SYTL5: variants seen among roughly 807,000 people sequenced by gnomAD.
The protein encoded by SYTL5 is synaptotagmin-like protein 5.
A neutral mutation model predicts 55.9 loss-of-function variants in SYTL5; 34 were observed. That is an observed-to-expected ratio of 0.61 (90% confidence interval 0.46 to 0.81). SYTL5 has a LOEUF of 0.81. Ranked by LOEUF, SYTL5 falls within the 30% of genes least tolerant of loss-of-function variation. SYTL5 has a pLI of 0.00. For missense variants in SYTL5, 637 were observed against 546.7 expected (o/e 1.17, Z -1.65); for synonymous variants, 221 against 188.7 (o/e 1.17, Z -1.40).
the SYTL5 span, among the ~76,000 whole-genome samples, chrX:37,980,608 C>T: frequency 1.8e-5 from 2 of 112,170 alleles, no homozygotes; most frequent in Admixed American, 9.4e-5. Context: ...CCCCTTCAAA[C>T]TTAGTGAAAT....
intron 1 of SYTL5, among the ~76,000 whole-genome samples, chrX:38,028,141 G>A (rs768183032): frequency 4.3e-4 from 48 of 111,605 alleles, no homozygotes; most frequent in African/African-American, 1.5e-3. Flanking sequence ...CTCCTCTTGA[G>A]GTCCCAAGAT....
chrX:38,103,145 A>C, intron 10 of SYTL5: 13 of 901,748 alleles, frequency 1.4e-5, no homozygotes, highest in East Asian at 3.4e-5. Context: ...CACAAATTTC[A>C]TGGTCTGGGA....
chrX:38,105,887 T>A (rs986472089), intron 10 of SYTL5, among the ~76,000 whole-genome samples: 2 of 112,113 alleles, frequency 1.8e-5, no homozygotes, highest in African/African-American at 3.2e-5. Flanking sequence ...TGGACTTTTT[T>A]AAAATTTATT....
intron 10 of SYTL5, 106 bp downstream of exon 10, chrX:38,102,540 A>T (rs1307304390): frequency 4.9e-5 from 27 of 555,081 alleles, no homozygotes; most frequent in Non-Finnish European, 7.6e-5. Context: ...TGTGATAATG[A>T]GTTAAAAGTC....
chrX:38,094,487 C>G (rs1936876700), intron 8 of SYTL5, 63 bp downstream of exon 8: 2 of 1,090,809 alleles, frequency 1.8e-6, no homozygotes, highest in African/African-American at 3.6e-5. Context: ...GAATTGACTG[C>G]TATGTGTGGT....
chrX:37,902,359 A>G, the SYTL5 span, among the ~76,000 whole-genome samples: 1 of 111,986 alleles, frequency 8.9e-6, no homozygotes. Flanking sequence ...CATGTTTAAT[A>G]TCTACTGAGG....
the SYTL5 span, among the ~76,000 whole-genome samples, chrX:37,943,382 G>T: frequency 9.0e-6 from 1 of 111,714 alleles, no homozygotes; most frequent in Non-Finnish European, 1.9e-5. Context: ...CTGCAATGAG[G>T]TCTTGAAATG....
intron 1 of SYTL5, chrX:38,023,921 T>A (rs1934658424): frequency 9.4e-6 from 1 of 106,933 alleles, no homozygotes; most frequent in Non-Finnish European, 2.0e-5. Context: ...GTAAAAGTAA[T>A]TGCAGTTTTT....
At chrX:38,030,463 A>G (rs919485534) in intron 1 of SYTL5, among the ~76,000 whole-genome samples, 5 of 112,039 alleles carry the variant, frequency 4.5e-5, no homozygotes. Flanking sequence ...TAAATAAGCT[A>G]AATTTTAACC....
the SYTL5 span, among the ~76,000 whole-genome samples, chrX:37,948,354 T>G: frequency 9.1e-6 from 1 of 110,473 alleles, no homozygotes; most frequent in East Asian, 2.8e-4. Context: ...TAAGCATTAG[T>G]TTTATGTTTT....
chrX:38,060,468 A>G (rs990389098), intron 3 of SYTL5, among the ~76,000 whole-genome samples: 2 of 111,369 alleles, frequency 1.8e-5, no homozygotes, highest in African/African-American at 6.5e-5. Context: ...TTTTATCTGT[A>G]CTGTTCACTG....
At chrX:38,085,967 G>C (rs1353772446) in intron 6 of SYTL5, among the ~76,000 whole-genome samples, 1 of 111,611 alleles carries the variant, frequency 9.0e-6, no homozygotes, top group Non-Finnish European at 1.9e-5. Context: ...AGGTTCAAGA[G>C]ACTCAGAGCC....
chrX:38,126,551 A>G (rs1395628731), intron 16 of SYTL5, 37 bp from the exon 17 acceptor site: 1 of 1,205,179 alleles, frequency 8.3e-7, no homozygotes, highest in South Asian at 1.8e-5. Context: ...AAAGCATTTC[A>G]TGTGTGACAT....
At chrX:37,914,477 T>C in the SYTL5 span, among the ~76,000 whole-genome samples, 3 of 111,560 alleles carry the variant, frequency 2.7e-5, no homozygotes, top group Non-Finnish European at 5.6e-5. Context: ...GTATCATTTT[T>C]ATAAAGCCCA....
At chrX:37,905,699 C>G in the SYTL5 span, among the ~76,000 whole-genome samples, 2 of 112,205 alleles carry the variant, frequency 1.8e-5, no homozygotes, top group Non-Finnish European at 3.8e-5. Context: ...AAGCCGCGTC[C>G]AGGTAGTATA....
chrX:37,997,787 C>T, the SYTL5 span, among the ~76,000 whole-genome samples: 1 of 112,548 alleles, frequency 8.9e-6, no homozygotes, highest in Non-Finnish European at 1.9e-5. Flanking sequence ...GGCCTGAAAG[C>T]TGGGGGCTGG....
At chrX:37,977,878 A>C in the SYTL5 span, among the ~76,000 whole-genome samples, 357 of 111,076 alleles carry the variant, frequency 3.2e-3, 1 homozygote, top group African/African-American at 0.011. Context: ...TCCCATGCAC[A>C]GGAAGGGGTT....
chrX:38,038,810 T>A (rs1003122652), intron 2 of SYTL5, among the ~76,000 whole-genome samples: 4 of 112,351 alleles, frequency 3.6e-5, no homozygotes, highest in African/African-American at 1.3e-4. Context: ...TAAACTTATC[T>A]GAAAAGTTAG....
intron 10 of SYTL5, 59 bp downstream of exon 10, chrX:38,102,493 C>T: frequency 1.2e-6 from 1 of 841,615 alleles, no homozygotes; most frequent in Non-Finnish European, 1.8e-6. Context: ...ATTTTCTGTG[C>T]ATTTCCAAAG....
Sources: gnomAD v4.1 joint callset for allele counts (sites outside exome capture counted in the v4.1 genomes callset) on GRCh38, gnomAD v4.1.1 for gene constraint, MANE v1.5 for transcripts, NCBI Gene and HGNC (gene_info 2026-07-23, HGNC 2026-07-21) for gene names.